The following LSAMP variants were observed in gnomAD, a reference collection of about 807,000 sequenced individuals.
The protein encoded by LSAMP is limbic system-associated membrane protein.
In LSAMP, 7 loss-of-function variants were observed where a neutral mutation model predicts 38.6. That is an observed-to-expected ratio of 0.18 (90% CI 0.10 to 0.34). The LOEUF is 0.34. Ranked by LOEUF, LSAMP falls within the 10% of genes least tolerant of loss-of-function variation. The probability of loss-of-function intolerance (pLI) is 1.00; values close to 1 mark genes in which losing one functional copy is unlikely to be tolerated. For missense variants in LSAMP, 313 were observed against 420.0 expected (o/e 0.75, Z 2.23); for synonymous variants, 154 against 166.8 (o/e 0.92, Z 0.59).
chr3:116,416,637 A>T (rs1438508076), intron 1 of LSAMP, among the ~76,000 whole-genome samples: 1 of 152,086 alleles, frequency 6.6e-6, no homozygotes, highest in Non-Finnish European at 1.5e-5. Context: ...ACCATCCTTC[A>T]AGGCCAGGAC....
intron 1 of LSAMP, among the ~76,000 whole-genome samples, chr3:116,182,523 A>G (rs1191400837): frequency 6.6e-6 from 1 of 151,790 alleles, no homozygotes; most frequent in East Asian, 1.9e-4. Flanking sequence ...TGCTATGGAG[A>G]TGCCCAAAGA....
Position 116,222,720 on chromosome 3 carries a change from C to CTTTTTTT in LSAMP, c.156-136171_156-136165dup, listed in dbSNP as rs71141863. On this transcript the variant is annotated intron_variant, in intron 1 of 6. Transcript: ENST00000490035. Reference sequence around the variant, plus strand: ...TTTTTTGCTCACCTTTCATCCTCTCCTTTTTTTTTTTTTTTTTTTTTTTTT... The same window carrying CTTTTTTT: ...TTTTTTGCTCACCTTTCATCCTCTCCTTTTTTTTTTTTTTTTTTTTTTTTTTTTTTTT... Among the ~76,000 whole-genome samples, 9 of 49,940 alleles carry CTTTTTTT rather than the reference C, an allele frequency of 1.8e-4. 3 individuals are homozygous for CTTTTTTT. Among genetic ancestry groups the CTTTTTTT allele is most frequent in the African/African-American group, 5.2e-4 (6 of 11,542 alleles). 32.8% of individuals were successfully genotyped at this position (49,940 alleles called of 152,430 possible). A position where few individuals can be genotyped will look rare whatever the true frequency, so the allele number is the denominator to read the frequency against.
intron 1 of LSAMP, among the ~76,000 whole-genome samples, chr3:116,198,145 A>G (rs1409664891): frequency 6.6e-6 from 1 of 152,214 alleles, no homozygotes; most frequent in East Asian, 1.9e-4. Flanking sequence ...AAATGCATGA[A>G]CTTTCTTTTG....
intron 1 of LSAMP, among the ~76,000 whole-genome samples, chr3:116,387,825 A>T (rs763830951): frequency 6.6e-6 from 1 of 152,122 alleles, no homozygotes; most frequent in African/African-American, 2.4e-5. Flanking sequence ...CGGGCGCAGT[A>T]TCTCACGCCT....
intron 1 of LSAMP, among the ~76,000 whole-genome samples, chr3:116,094,423 G>A (rs1353770300): frequency 1.3e-5 from 2 of 152,130 alleles, no homozygotes; most frequent in Non-Finnish European, 2.9e-5. Flanking sequence ...CCTTGACCCA[G>A]ACCCTAATCT....
chr3:115,949,505 T>A (rs1938213489), intron 3 of LSAMP, among the ~76,000 whole-genome samples: 2 of 146,522 alleles, frequency 1.4e-5, no homozygotes, highest in Non-Finnish European at 3.1e-5. Flanking sequence ...CCTGGAAATA[T>A]ACAGCCCTCC....
chr3:116,277,954 CTAA>C (rs1245443627), intron 1 of LSAMP, among the ~76,000 whole-genome samples: 4 of 152,088 alleles, frequency 2.6e-5, no homozygotes, highest in African/African-American at 9.7e-5. Context: ...ACTGCAATGT[CTAA>C]TAATTACTGT....
At chr3:116,336,982 T>C (rs2047928163) in intron 1 of LSAMP, among the ~76,000 whole-genome samples, 1 of 151,442 alleles carries the variant, frequency 6.6e-6, no homozygotes, top group African/African-American at 2.4e-5. Context: ...GTGTAATGGA[T>C]ATTAAGTCTT....
intron 3 of LSAMP, among the ~76,000 whole-genome samples, chr3:115,875,004 T>C (rs1176731040): frequency 6.6e-6 from 1 of 152,102 alleles, no homozygotes; most frequent in Non-Finnish European, 1.5e-5. Flanking sequence ...CACACATCAA[T>C]ATTATCTCAG....
intron 1 of LSAMP, among the ~76,000 whole-genome samples, chr3:116,263,444 A>G (rs1224824243): frequency 6.6e-6 from 1 of 152,012 alleles, no homozygotes; most frequent in Non-Finnish European, 1.5e-5. Context: ...AGGCTGAGGC[A>G]CGAGAATGGC....
rs67125824 is a variant in LSAMP at position 115,826,956 on chromosome 3, CTT to C, written c.919+14887_919+14888del. On this transcript the variant is annotated intron_variant, in intron 6 of 6. Coordinates refer to ENST00000490035, the MANE Select transcript of LSAMP (RefSeq NM_002338.5). ...CCTCCAATTAATGGGATCATTCCGT[CTT>C]TTTTTTTTTTTTTTTTTTAAGCACT... Among the ~76,000 whole-genome samples the C allele has an allele frequency of 3.8e-3, 511 of 133,448 alleles. 1 individual carries two copies. The highest frequency in any genetic ancestry group is 0.011 in the African/African-American group (406 of 36,796). The allele number at this position is 133,448 out of a possible 152,430, so 87.5% of individuals were successfully genotyped here.
chr3:116,208,068 A>G (rs1209959859), intron 1 of LSAMP, among the ~76,000 whole-genome samples: 2 of 150,344 alleles, frequency 1.3e-5, no homozygotes, highest in Non-Finnish European at 3.0e-5. Flanking sequence ...CTTTTCACAT[A>G]GTCCCATATT....
chr3:116,037,957 G>A (rs889986541), intron 2 of LSAMP, among the ~76,000 whole-genome samples: 2 of 152,100 alleles, frequency 1.3e-5, no homozygotes, highest in Non-Finnish European at 2.9e-5. Context: ...CATGGTTAAT[G>A]CTTCCTTATA....
At chr3:115,840,833 GA>G (rs138851246) in intron 6 of LSAMP, among the ~76,000 whole-genome samples, 10 of 148,414 alleles carry the variant, frequency 6.7e-5, no homozygotes, top group South Asian at 2.1e-4. Context: ...AATCTGTGCA[GA>G]AAAAAAAAAC....
chr3:116,276,237 G>A (rs1440774334), intron 1 of LSAMP, among the ~76,000 whole-genome samples: 2 of 152,152 alleles, frequency 1.3e-5, no homozygotes, highest in Non-Finnish European at 2.9e-5. Context: ...GAACCCACCT[G>A]CTTCATTATG....
intron 1 of LSAMP, among the ~76,000 whole-genome samples, chr3:116,189,737 A>G (rs1028479351): frequency 3.9e-5 from 6 of 152,100 alleles, no homozygotes; most frequent in East Asian, 1.9e-4. Context: ...CAGAACCCCA[A>G]TTTTCCTTTT....
chr3:116,318,974 C>T (rs1425639942), intron 1 of LSAMP, among the ~76,000 whole-genome samples: 1 of 148,738 alleles, frequency 6.7e-6, no homozygotes, highest in African/African-American at 2.5e-5. Context: ...TCAAGAGCCT[C>T]AACATTTTAC....
chr3:116,220,586 A>G (rs1218305555), intron 1 of LSAMP, among the ~76,000 whole-genome samples: 1 of 152,164 alleles, frequency 6.6e-6, no homozygotes, highest in East Asian at 1.9e-4. Context: ...ATAGTTTGCA[A>G]TATCAATTTC....
intron 1 of LSAMP, among the ~76,000 whole-genome samples, chr3:116,413,462 A>T (rs947351530): frequency 2.0e-5 from 3 of 152,012 alleles, no homozygotes; most frequent in Non-Finnish European, 4.4e-5. Flanking sequence ...TTTATACAAG[A>T]TGCTCAAAGG....
Sources: gnomAD v4.1 joint callset for allele counts (sites outside exome capture counted in the v4.1 genomes callset) on GRCh38, gnomAD v4.1.1 for gene constraint, MANE v1.5 for transcripts, NCBI Gene and HGNC (gene_info 2026-07-23, HGNC 2026-07-21) for gene names.